The following TNFAIP8L3 variants were observed in gnomAD, a reference collection of about 807,000 sequenced individuals.
The protein encoded by TNFAIP8L3 is TNF alpha induced protein 8 like 3, also known as tumor necrosis factor alpha-induced protein 8-like protein 3.
Under a neutral mutation model 11.8 loss-of-function variants are expected in TNFAIP8L3, and 7 were observed. That is an observed-to-expected ratio of 0.59 (90% CI 0.34 to 1.11). TNFAIP8L3 has a LOEUF of 1.11. TNFAIP8L3 is among the 50% of genes most tolerant of loss of function. The pLI, the probability that TNFAIP8L3 is intolerant of heterozygous loss-of-function variation, is 0.03. For synonymous variants in TNFAIP8L3, 98 were observed against 103.8 expected (o/e 0.94, Z 0.34); for missense variants, 219 against 258.6 (o/e 0.85, Z 1.05).
At chr15:51,103,991 G>A (rs550215598) in intron 1 of TNFAIP8L3, among the ~76,000 whole-genome samples, 1 of 152,148 alleles carries the variant, frequency 6.6e-6, no homozygotes, top group Non-Finnish European at 1.5e-5. Flanking sequence ...GCTCTCCTCC[G>A]CTAGTGCAGA....
chr15:51,068,207 G>A (rs980079926), intron 1 of TNFAIP8L3, among the ~76,000 whole-genome samples: 6 of 152,286 alleles, frequency 3.9e-5, no homozygotes, highest in African/African-American at 1.2e-4. Flanking sequence ...CAAGGATGAC[G>A]ATGAGTTGTT....
intron 1 of TNFAIP8L3, among the ~76,000 whole-genome samples, chr15:51,066,081 A>AAAAC (rs1308838352): frequency 6.6e-6 from 1 of 151,864 alleles, no homozygotes; most frequent in Non-Finnish European, 1.5e-5. Flanking sequence ...GGGAAAAAAA[A>AAAAC]AAACAAAAAA....
intron 1 of TNFAIP8L3, among the ~76,000 whole-genome samples, chr15:51,073,567 A>G (rs1330108047): frequency 1.3e-5 from 2 of 152,174 alleles, no homozygotes; most frequent in Admixed American, 1.3e-4. Flanking sequence ...CATTTTGCCG[A>G]GCTCTGTTAT....
intron 1 of TNFAIP8L3, among the ~76,000 whole-genome samples, chr15:51,080,961 A>G (rs2140975006): frequency 6.6e-6 from 1 of 152,368 alleles, no homozygotes; most frequent in Middle Eastern, 3.4e-3. Flanking sequence ...TGAGAATTCA[A>G]AGGCAGGGCA....
exon 1 of TNFAIP8L3, chr15:51,105,197 TG>T: frequency 5.6e-6 from 9 of 1,611,494 alleles, no homozygotes; most frequent in Non-Finnish European, 5.9e-6. Flanking sequence ...GTGTCCTTCT[TG>T]GGACAGTAGC....
chr15:51,058,468 A>C, intron 1 of TNFAIP8L3, 25 bp from the exon 2 acceptor site: 1 of 1,453,460 alleles, frequency 6.9e-7, no homozygotes. Flanking sequence ...ATATATATAA[A>C]AGTTTTAGAA....
chr15:51,080,729 T>C (rs1256959573), intron 1 of TNFAIP8L3, among the ~76,000 whole-genome samples: 2 of 152,240 alleles, frequency 1.3e-5, no homozygotes, highest in African/African-American at 4.8e-5. Context: ...TAAATAACCA[T>C]GTAAGGTGTA....
upstream of TNFAIP8L3, among the ~76,000 whole-genome samples, chr15:51,095,659 A>T (rs2065509030): frequency 6.6e-6 from 1 of 152,104 alleles, no homozygotes; most frequent in Non-Finnish European, 1.5e-5. Flanking sequence ...AAAGGAAAAA[A>T]AAAAGCATTT....
At position 51,094,556 on chromosome 15, in the gene TNFAIP8L3, C is replaced by G. The variant is rs776160506; in HGVS notation, c.40G>C (p.Val14Leu). 2 of 1,503,300 alleles carry G rather than the reference C, an allele frequency of 1.3e-6. No homozygotes were observed. Among genetic ancestry groups the G allele is most frequent in the East Asian group, 2.9e-5 (1 of 34,948 alleles). 93.1% of individuals were successfully genotyped at this position (1,503,300 alleles called of 1,614,324 possible). Residue 14 changes from valine (V) to leucine (L), a missense_variant, in exon 1 of 2, where the codon GTG becomes CTG. Transcript: ENST00000637513. The surrounding 1 kb of genome is among the most constrained non-coding windows in gnomAD (Gnocchi z 4.4). ...GGCCCCTAGGTACCTGCGGCGGTCACGGGCTCGCCCTCGCTCTGCTCCCCG... is the reference window on the plus strand; with the variant it reads ...GGCCCCTAGGTACCTGCGGCGGTCAGGGGCTCGCCCTCGCTCTGCTCCCCG... The part of the protein sequence containing the change: ...DSGEQSEGEP[V>L]TAAGPDVFSS...
At chr15:51,087,280 G>A (rs2065436142) in intron 1 of TNFAIP8L3, among the ~76,000 whole-genome samples, 1 of 152,132 alleles carries the variant, frequency 6.6e-6, no homozygotes, top group Non-Finnish European at 1.5e-5. Flanking sequence ...ACTCAATTGT[G>A]GCAGGAAAGA....
chr15:51,086,864 C>T (rs1366742251), intron 1 of TNFAIP8L3, among the ~76,000 whole-genome samples: 1 of 151,548 alleles, frequency 6.6e-6, no homozygotes, highest in Non-Finnish European at 1.5e-5. Flanking sequence ...ATCATGCCAT[C>T]TTATTTCTCA....
At chr15:51,069,029 T>C (rs561806672) in intron 1 of TNFAIP8L3, among the ~76,000 whole-genome samples, 1 of 152,176 alleles carries the variant, frequency 6.6e-6, no homozygotes, top group African/African-American at 2.4e-5. Context: ...AGAGGCAGGC[T>C]TGGGTGCAAT....
chr15:51,092,488 A>G (rs944308053), intron 1 of TNFAIP8L3, among the ~76,000 whole-genome samples: 1 of 152,272 alleles, frequency 6.6e-6, no homozygotes, highest in African/African-American at 2.4e-5. Context: ...AAGATGGAAT[A>G]TAATGCGTGA....
In TNFAIP8L3 at chr15:51,058,252, T is replaced by C; in HGVS notation, c.244A>G (p.Ile82Val). Residue 82 changes from isoleucine to valine, a missense_variant, in exon 2 of 2, where the codon ATC becomes GTC. Coordinates refer to ENST00000637513, the MANE Select transcript of TNFAIP8L3 (RefSeq NM_001311175.2). ...KEAHKIMKDL[I>V]KVAIKIGILY... ...ATCCCGATTTTGATCGCCACCTTGA[T>C]TAAGTCTTTCATGATCTTGTGGGCT... 1.1e-5 allele frequency: 18 copies of C among 1,614,216 alleles called. No homozygotes were observed. Among genetic ancestry groups the C allele is most frequent in the Non-Finnish European group, 1.5e-5 (18 of 1,180,024 alleles).
intron 1 of TNFAIP8L3, chr15:51,104,980 T>C (rs767368196): frequency 6.2e-7 from 1 of 1,614,060 alleles, no homozygotes; most frequent in East Asian, 2.2e-5. Flanking sequence ...CTTCCTTCTC[T>C]GCCAGTTCCT....
rs185241435 is a variant in TNFAIP8L3, at chr15:51,062,351, T to G, written c.53-3908A>C. Among the ~76,000 whole-genome samples, 3 of 152,248 alleles carry G rather than the reference T, an allele frequency of 2.0e-5. No homozygotes were observed. In the East Asian group the frequency reaches 5.8e-4, roughly 29 times the overall value. ...GGCATGCACCTGTGGTCTCAGCTACTCAGGAGGCTAAGATAGGAGGATTGC... is the reference window on the plus strand; with the variant it reads ...GGCATGCACCTGTGGTCTCAGCTACGCAGGAGGCTAAGATAGGAGGATTGC... On this transcript the variant is annotated intron_variant, in intron 1 of 1. Coordinates refer to ENST00000637513, the MANE Select transcript of TNFAIP8L3 (RefSeq NM_001311175.2).
At chr15:51,058,566 C>T (rs1304094837) in intron 1 of TNFAIP8L3, 123 bp from the exon 2 acceptor site, 2 of 893,170 alleles carry the variant, frequency 2.2e-6, no homozygotes, top group Non-Finnish European at 3.3e-6. Flanking sequence ...TCTTTATATT[C>T]CCTCGCTCCC....
At chr15:51,059,577 G>C (rs1369802409) in intron 1 of TNFAIP8L3, among the ~76,000 whole-genome samples, 1 of 152,224 alleles carries the variant, frequency 6.6e-6, no homozygotes. Flanking sequence ...TTCCCAAGGA[G>C]ATTCAAATTG....
At position 51,094,796 on chromosome 15, in the gene TNFAIP8L3, CCGGCCGGTGCCTGCG is replaced by C. The variant is rs1160602497; in HGVS notation, c.-216_-202del. The C allele has an allele frequency of 3.0e-5, 22 of 737,756 alleles. No individual in the cohort carries two copies. The highest frequency in any genetic ancestry group is 6.8e-4 in the Middle Eastern group (1 of 1,480). The allele number at this position is 737,756 out of a possible 1,614,324, so 45.7% of individuals were successfully genotyped here. On this transcript the variant is annotated 5_prime_UTR_variant, in exon 1 of 2. Coordinates refer to ENST00000637513, the MANE Select transcript of TNFAIP8L3 (RefSeq NM_001311175.2). This position sits in a 1 kb window ranked among gnomAD's most constrained non-coding sequence, Gnocchi z 4.4. ...CGCCGCGCCCCGCTCCCCGCGCCCG[CCGGCCGGTGCCTGCG>C]CGCGAGGCGAGCGCAGGGCGGAGGG...
Sources: gnomAD v4.1 joint callset for allele counts (sites outside exome capture counted in the v4.1 genomes callset) on GRCh38, gnomAD v4.1.1 for gene constraint, Gnocchi (gnomAD v3.1) non-coding constraint, MANE v1.5 for transcripts, NCBI Gene and HGNC (gene_info 2026-07-23, HGNC 2026-07-21) for gene names.